The following TET2 variants were observed in gnomAD, a reference collection of about 807,000 sequenced individuals.
The protein encoded by TET2 is tet methylcytosine dioxygenase 2.
Under a neutral mutation model 142.9 loss-of-function variants are expected in TET2, and 299 were observed. The ratio of observed to expected loss-of-function variants is 2.09; its 90% CI spans 1.90 to 2.30. The LOEUF (loss-of-function observed/expected upper bound fraction) is 2.30. TET2 is among the 30% of genes most tolerant of loss of function. TET2 has a pLI of 0.00. For missense variants in TET2, 2,418 were observed against 2,378.0 expected (o/e 1.02, Z -0.35); for synonymous variants, 819 against 849.0 (o/e 0.96, Z 0.61).
At chr4:105,187,237 T>C (rs1005828418) in intron 1 of TET2, among the ~76,000 whole-genome samples, 8 of 152,196 alleles carry the variant, frequency 5.3e-5, no homozygotes, top group African/African-American at 1.9e-4. Context: ...AAAGTTATAT[T>C]TTTTACTTTT....
At chr4:105,156,231 G>T (rs1248509491) in intron 1 of TET2, among the ~76,000 whole-genome samples, 1 of 152,072 alleles carries the variant, frequency 6.6e-6, no homozygotes, top group Non-Finnish European at 1.5e-5. Flanking sequence ...TTTTAGCTTT[G>T]CTTTTTATAA....
chr4:105,226,581 GTCCCCC>G (rs1728205161), intron 2 of TET2, among the ~76,000 whole-genome samples: 1 of 151,170 alleles, frequency 6.6e-6, no homozygotes, highest in Non-Finnish European at 1.5e-5. Context: ...TGTGTGGCAC[GTCCCCC>G]TCCCTGTCTC....
Position 105,235,090 on chromosome 4 carries a change from A to G in TET2, c.1148A>G (p.Gln383Arg). 6.2e-7 allele frequency: 1 copy of G among 1,614,136 alleles called. No homozygotes were observed. Among genetic ancestry groups the G allele is most frequent in the African/African-American group, 1.3e-5 (1 of 75,050 alleles). Residue 383 changes from glutamine to arginine, a missense_variant, in exon 3 of 11, where the codon CAA (glutamine) becomes CGA (arginine). Gln to Arg is a conservative substitution (Grantham distance 43, BLOSUM62 1). Transcript: ENST00000380013. ...QNEMNGAYFKQSSVFTKDSFS... is the reference protein window; with the variant it reads ...QNEMNGAYFKRSSVFTKDSFS... ...GAAATGAATGGTGCTTACTTCAAGCAAAGCTCAGTGTTCACTAAGGATTCC... is the reference window on the plus strand; with the variant it reads ...GAAATGAATGGTGCTTACTTCAAGCGAAGCTCAGTGTTCACTAAGGATTCC...
At position 105,241,370 on chromosome 4, in the gene TET2, T is replaced by C. The variant is rs1729287253; in HGVS notation, c.3441T>C (p.Phe1147=). 1 of 1,549,330 alleles carries C rather than the reference T, an allele frequency of 6.5e-7. No homozygotes were observed. Among genetic ancestry groups the C allele is most frequent in the Non-Finnish European group, 8.7e-7 (1 of 1,146,318 alleles). ...EQIIEKDEGP[F]YTHLGAGPNV... is the part of the protein sequence containing the mutation. ...TTATTGAAAAAGATGAAGGTCCTTTTTATACCCATCTAGGAGCAGGTCCTA... is the reference window on the plus strand; with the variant it reads ...TTATTGAAAAAGATGAAGGTCCTTTCTATACCCATCTAGGAGCAGGTCCTA... Residue 1147 remains phenylalanine, a synonymous_variant, in exon 4 of 11, where the codon TTT becomes TTC. Coordinates refer to ENST00000380013, the MANE Select transcript of TET2 (RefSeq NM_001127208.3).
intron 2 of TET2, among the ~76,000 whole-genome samples, chr4:105,224,526 A>G: frequency 6.6e-6 from 1 of 152,164 alleles, no homozygotes; most frequent in Non-Finnish European, 1.5e-5. Flanking sequence ...AACAAAATCA[A>G]AGGAAAACTG....
Position 105,269,462 on chromosome 4 carries a change from CT to C in TET2, c.4045-147del, listed in dbSNP as rs371184089. ...ATTTTACCATGTCAAGATATTTGCT[CT>C]ATTTTGTGTCATTCCATTTTGTTTC... On this transcript the variant is annotated intron_variant, in intron 8 of 10. Transcript: ENST00000380013. The C allele has an allele frequency of 1.1e-4, 88 of 790,768 alleles. No homozygotes were observed. In the African/African-American group the frequency reaches 1.3e-3, roughly 12 times the overall value. The allele number at this position is 790,768 out of a possible 1,614,324, so 49.0% of individuals were successfully genotyped here.
rs138252442 is a variant in TET2 at position 105,276,564 on chromosome 4, C to A, written c.*45C>A. The A allele has an allele frequency of 6.6e-7, 1 of 1,519,998 alleles. No individual in the cohort carries two copies. Among genetic ancestry groups the A allele is most frequent in the Admixed American group, 2.1e-5 (1 of 47,980 alleles). 94.2% of individuals were successfully genotyped at this position (1,519,998 alleles called of 1,614,324 possible). Reference sequence around the variant, plus strand: ...TTACCTCACTTGAAAAGACCACAACCAACCTGTCAGTAGTATAGTTCTCAT... The same window carrying A: ...TTACCTCACTTGAAAAGACCACAACAAACCTGTCAGTAGTATAGTTCTCAT... On this transcript the variant is annotated 3_prime_UTR_variant, in exon 11 of 11. Transcript: ENST00000380013.
intron 2 of TET2, among the ~76,000 whole-genome samples, chr4:105,206,563 G>A (rs893313734): frequency 1.3e-5 from 2 of 152,160 alleles, no homozygotes; most frequent in Admixed American, 6.6e-5. Flanking sequence ...CTTATTTTCT[G>A]TAGCACTCCA....
At chr4:105,241,086 G>T (rs1413686039) in intron 3 of TET2, 6 of 1,097,808 alleles carry the variant, frequency 5.5e-6, no homozygotes, top group Non-Finnish European at 6.9e-6. Context: ...CATTTATTTG[G>T]TTTAAAATAA....
intron 6 of TET2, among the ~76,000 whole-genome samples, chr4:105,258,456 C>G (rs1730252615): frequency 6.6e-6 from 1 of 152,076 alleles, no homozygotes; most frequent in South Asian, 2.1e-4. Context: ...TCTCAAATTT[C>G]AGAGATTTTG....
intron 1 of TET2, among the ~76,000 whole-genome samples, chr4:105,189,632 T>C (rs997153282): frequency 1.3e-5 from 2 of 152,230 alleles, no homozygotes; most frequent in Non-Finnish European, 2.9e-5. Context: ...TATCAGTGCA[T>C]GTCATCTCCA....
Position 105,236,401 on chromosome 4 carries a change from G to A in TET2, c.2459G>A (p.Ser820Asn). Residue 820 changes from serine to asparagine, a missense_variant, in exon 3 of 11, where the codon AGT becomes AAT. Transcript: ENST00000380013. ...ATAAATCGTAGAAATTCCCCTTATA[G>A]TCAGACCATGAAATCAAGTGCATGC... ...QNINRRNSPY[S>N]QTMKSSACKI... The A allele has an allele frequency of 6.2e-7, 1 of 1,613,980 alleles. No homozygotes were observed. Among genetic ancestry groups the A allele is most frequent in the Non-Finnish European group, 8.5e-7 (1 of 1,179,994 alleles).
intron 1 of TET2, among the ~76,000 whole-genome samples, chr4:105,179,866 A>C (rs1414060489): frequency 6.6e-6 from 1 of 152,244 alleles, no homozygotes; most frequent in African/African-American, 2.4e-5. Flanking sequence ...AGGCATGATT[A>C]AGTTTATCCC....
rs186681413 is a variant in TET2 at position 105,187,139 on chromosome 4, T to C, written c.-192-3221T>C. 1.7e-3 allele frequency among the ~76,000 whole-genome samples: 259 copies of C among 152,284 alleles called. 2 individuals carry two copies. Among genetic ancestry groups the C allele is most frequent in the East Asian group, 4.2e-3 (22 of 5,178 alleles). On this transcript the variant is annotated intron_variant, in intron 1 of 10. Coordinates refer to ENST00000380013, the MANE Select transcript of TET2 (RefSeq NM_001127208.3). ...AATCCCCCTAGAACTGCTCACACCA[T>C]TCCAAGAACCACAAGCACCACCTTG...
intron 2 of TET2, among the ~76,000 whole-genome samples, chr4:105,204,166 C>A (rs1244089055): frequency 6.6e-6 from 1 of 150,862 alleles, no homozygotes. Flanking sequence ...TCACTGCATT[C>A]CAGCCTGGGC....
At chr4:105,145,937 C>G (rs1420761832), upstream of TET2, 1 of 152,070 alleles carries the variant, frequency 6.6e-6, no homozygotes, top group Non-Finnish European at 1.5e-5. Context: ...TTTGTCGGGT[C>G]TTTAAAAATA....
At chr4:105,247,642 GTTTAC>G (rs10595718) in intron 6 of TET2, among the ~76,000 whole-genome samples, 95,053 of 148,784 alleles carry the variant, frequency 0.64, 31,206 homozygotes, top group African/African-American at 0.83. Flanking sequence ...TGGTTCTTTT[GTTTAC>G]TTTAACCTAT....
At chr4:105,200,285 A>G (rs1726372158) in intron 2 of TET2, among the ~76,000 whole-genome samples, 1 of 151,932 alleles carries the variant, frequency 6.6e-6, no homozygotes, top group South Asian at 2.1e-4. Context: ...CATTTCTCTA[A>G]TGATCAGTGA....
intron 6 of TET2, among the ~76,000 whole-genome samples, chr4:105,255,640 T>C (rs1285271689): frequency 1.3e-5 from 2 of 152,222 alleles, no homozygotes; most frequent in Non-Finnish European, 2.9e-5. Flanking sequence ...TTTGGTGCTC[T>C]GTTGCTTATT....
Sources: gnomAD v4.1 joint callset for allele counts (sites outside exome capture counted in the v4.1 genomes callset) on GRCh38, gnomAD v4.1.1 for gene constraint, MANE v1.5 for transcripts, NCBI Gene and HGNC (gene_info 2026-07-23, HGNC 2026-07-21) for gene names.